BTBD9: variants seen among roughly 807,000 people sequenced by gnomAD.
BTBD9 encodes the protein BTB/POZ domain-containing protein 9.
Under a neutral mutation model 64.3 loss-of-function variants are expected in BTBD9, and 49 were observed. The ratio of observed to expected loss-of-function variants is 0.76; its 90% confidence interval spans 0.61 to 0.97. The LOEUF (loss-of-function observed/expected upper bound fraction) is 0.97. Ranked by LOEUF, BTBD9 falls within the 50% of genes least tolerant of loss-of-function variation. The pLI, the probability that BTBD9 is intolerant of heterozygous loss-of-function variation, is 0.00. For synonymous variants in BTBD9, 260 were observed against 274.7 expected, an observed-to-expected ratio of 0.95 and a Z score of 0.53; for missense variants, 598 against 762.1, an observed-to-expected ratio of 0.78 and a Z score of 2.53.
At chr6:38,555,850 C>A (rs1487000523) in intron 6 of BTBD9, among the ~76,000 whole-genome samples, 2 of 152,080 alleles carry the variant, frequency 1.3e-5, no homozygotes, top group Non-Finnish European at 2.9e-5. Flanking sequence ...ATCTTTATTT[C>A]TTGTATTTTT....
At chr6:38,325,647 T>G (rs1486286528) in intron 7 of BTBD9, among the ~76,000 whole-genome samples, 2 of 152,178 alleles carry the variant, frequency 1.3e-5, no homozygotes, top group Non-Finnish European at 2.9e-5. Flanking sequence ...ATCGTGCCAC[T>G]GCACTCCAGC....
Position 38,629,516 on chromosome 6 carries a change from G to A in BTBD9, c.-28+10284C>T, listed in dbSNP as rs1778288267. The stretch of plus-strand genomic sequence containing the variant: ...TCATAACCAGATAAACCTCAAGTGA[G>A]AGACATACTATTAAAAAAGTAAATA... On this transcript the variant is annotated intron_variant, in intron 1 of 10. Coordinates refer to ENST00000481247, the MANE Select transcript of BTBD9 (RefSeq NM_001099272.2). 3.3e-5 allele frequency among the ~76,000 whole-genome samples: 5 copies of A among 152,312 alleles called. No homozygotes were observed. The South Asian group carries it at 1.0e-3, about 32-fold the overall frequency.
chr6:38,586,907 A>G (rs1432596564), intron 4 of BTBD9, among the ~76,000 whole-genome samples: 2 of 151,830 alleles, frequency 1.3e-5, no homozygotes, highest in Non-Finnish European at 2.9e-5. Flanking sequence ...TACTAAATAT[A>G]CAAAAATTAG....
At chr6:38,529,229 C>A (rs931558452) in intron 6 of BTBD9, among the ~76,000 whole-genome samples, 5 of 152,196 alleles carry the variant, frequency 3.3e-5, no homozygotes, top group Admixed American at 6.5e-5. Context: ...CACCCCTCCT[C>A]CAGTTCCAGG....
At chr6:38,214,136 T>C (rs1762930686) in intron 9 of BTBD9, among the ~76,000 whole-genome samples, 1 of 152,206 alleles carries the variant, frequency 6.6e-6, no homozygotes, top group Non-Finnish European at 1.5e-5. Context: ...CCTAGATTTC[T>C]CTCAGGCTTA....
At chr6:38,626,037 T>TC (rs1401002837) in intron 1 of BTBD9, among the ~76,000 whole-genome samples, 2 of 152,216 alleles carry the variant, frequency 1.3e-5, no homozygotes, top group Admixed American at 1.3e-4. Flanking sequence ...AAGTCTATAC[T>TC]CCCAAAAGTT....
At chr6:38,273,931 G>A (rs1765280665) in intron 8 of BTBD9, among the ~76,000 whole-genome samples, 1 of 152,198 alleles carries the variant, frequency 6.6e-6, no homozygotes, top group Admixed American at 6.5e-5. Context: ...GGGCCCAGTG[G>A]GAGACCAAAG....
At chr6:38,438,254 G>GGAAGGAAGGAAGGAAGGAGGGAAA (rs59080267) in intron 6 of BTBD9, among the ~76,000 whole-genome samples, 1 of 96,750 alleles carries the variant, frequency 1.0e-5, no homozygotes, top group African/African-American at 4.4e-5. Flanking sequence ...GAGGGAGGAA[G>GGAAGGAAGGAAGGAAGGAGGGAAA]GAAGGAAGGA....
chr6:38,219,419 G>C lies in BTBD9; in HGVS notation c.1563-26822C>G, dbSNP rs141183733. ...AGCCTCCCAAAGTGCTGGGATTACA[G>C]TTGTGAGCCACCATGCCCGGCCTCA... On this transcript the variant is annotated intron_variant, in intron 9 of 10. Transcript: ENST00000481247. Among the ~76,000 whole-genome samples, 223 of 151,826 alleles carry C rather than the reference G, an allele frequency of 1.5e-3. 5 individuals are homozygous for C. In the East Asian group the frequency reaches 0.031, roughly 21 times the overall value.
At chr6:38,619,639 C>CA (rs1777919534) in intron 1 of BTBD9, among the ~76,000 whole-genome samples, 1 of 152,140 alleles carries the variant, frequency 6.6e-6, no homozygotes, top group Admixed American at 6.5e-5. Context: ...CTCATGTCAT[C>CA]ACACTTACTG....
chr6:38,455,427 C>T (rs1769751112), intron 6 of BTBD9, among the ~76,000 whole-genome samples: 1 of 152,206 alleles, frequency 6.6e-6, no homozygotes, highest in African/African-American at 2.4e-5. Flanking sequence ...AACTCAGCTT[C>T]CGGAAGTCTT....
At chr6:38,281,311 T>G (rs1761507718) in intron 8 of BTBD9, among the ~76,000 whole-genome samples, 1 of 152,142 alleles carries the variant, frequency 6.6e-6, no homozygotes, top group African/African-American at 2.4e-5. Context: ...GAATAGATAA[T>G]CTAGAGTTGG....
intron 8 of BTBD9, among the ~76,000 whole-genome samples, chr6:38,287,555 T>C (rs756130209): frequency 3.3e-5 from 5 of 152,218 alleles, no homozygotes; most frequent in Non-Finnish European, 5.9e-5. Flanking sequence ...GTCTTCAGTA[T>C]AGTAACATGC....
At chr6:38,339,818 G>A (rs1437628283) in intron 7 of BTBD9, among the ~76,000 whole-genome samples, 1 of 152,120 alleles carries the variant, frequency 6.6e-6, no homozygotes, top group African/African-American at 2.4e-5. Flanking sequence ...AAGCAAAATG[G>A]AACAGATGAA....
intron 9 of BTBD9, among the ~76,000 whole-genome samples, chr6:38,226,850 T>A (rs1330491455): frequency 2.0e-5 from 3 of 152,160 alleles, no homozygotes; most frequent in Admixed American, 1.3e-4. Context: ...TTAACTACAG[T>A]CTCTCACAAA....
At chr6:38,542,572 A>T (rs763195789) in intron 6 of BTBD9, among the ~76,000 whole-genome samples, 2 of 152,184 alleles carry the variant, frequency 1.3e-5, no homozygotes, top group African/African-American at 4.8e-5. Context: ...AGGCTGTTCC[A>T]TCTGGCCCAT....
rs1766752365 is a variant in BTBD9, at chr6:38,171,403, T to C, written c.*3582A>G. ...TTCTAGGAATAAAACACTTTTAATGTATTTGTCAGGAATCGACACTTCATT... is the reference window on the plus strand; with the variant it reads ...TTCTAGGAATAAAACACTTTTAATGCATTTGTCAGGAATCGACACTTCATT... On this transcript the variant is annotated 3_prime_UTR_variant, in exon 11 of 11. Coordinates refer to ENST00000481247, the MANE Select transcript of BTBD9 (RefSeq NM_001099272.2). 1 of 152,202 alleles carries C rather than the reference T, an allele frequency of 6.6e-6. No homozygotes were observed. Among genetic ancestry groups the C allele is most frequent in the African/African-American group, 2.4e-5 (1 of 41,448 alleles). 9.4% of individuals were successfully genotyped at this position (152,202 alleles called of 1,614,324 possible).
chr6:38,348,082 G>A (rs773396428), intron 6 of BTBD9, among the ~76,000 whole-genome samples: 1 of 152,052 alleles, frequency 6.6e-6, no homozygotes, highest in Non-Finnish European at 1.5e-5. Flanking sequence ...GTGGGAGGAG[G>A]GAGCACAGGT....
chr6:38,634,625 T>C (rs1582747943), intron 1 of BTBD9, among the ~76,000 whole-genome samples: 1 of 151,952 alleles, frequency 6.6e-6, no homozygotes, highest in Non-Finnish European at 1.5e-5. Context: ...CAAATGCACA[T>C]AGCTACACAC....
Sources: gnomAD v4.1 joint callset for allele counts (sites outside exome capture counted in the v4.1 genomes callset) on GRCh38, gnomAD v4.1.1 for gene constraint, MANE v1.5 for transcripts, NCBI Gene and HGNC (gene_info 2026-07-23, HGNC 2026-07-21) for gene names.